The following ABHD17C variants were observed in gnomAD, a reference collection of about 807,000 sequenced individuals.
The protein encoded by ABHD17C is abhydrolase domain containing 17C, depalmitoylase, also known as alpha/beta hydrolase domain-containing protein 17C.
A neutral mutation model predicts 27.9 loss-of-function variants in ABHD17C; 11 were observed. That is an observed-to-expected ratio of 0.39 (90% CI 0.25 to 0.65). ABHD17C has a LOEUF of 0.65. Among genes scored for constraint, ABHD17C ranks in the 30% least tolerant of loss-of-function variants. ABHD17C has a pLI of 0.45. For missense variants in ABHD17C, 280 were observed against 470.2 expected (o/e 0.60, Z 3.74); for synonymous variants, 233 against 209.1 (o/e 1.11, Z -0.98).
chr15:80,740,814 C>T (rs1895199047), intron 1 of ABHD17C, among the ~76,000 whole-genome samples: 2 of 152,206 alleles, frequency 1.3e-5, no homozygotes, highest in Admixed American at 1.3e-4. Context: ...TATGATGACA[C>T]TCTACCTTGA....
At chr15:80,717,545 C>T (rs1346318781) in intron 1 of ABHD17C, among the ~76,000 whole-genome samples, 2 of 152,034 alleles carry the variant, frequency 1.3e-5, no homozygotes, top group African/African-American at 4.8e-5. Context: ...AGATGTGCAC[C>T]ACCATGCCTG....
intron 1 of ABHD17C, among the ~76,000 whole-genome samples, chr15:80,731,268 A>G (rs982088483): frequency 4.6e-5 from 7 of 152,240 alleles, no homozygotes; most frequent in African/African-American, 1.7e-4. Flanking sequence ...AATGAAAGGT[A>G]CTGCTAAAAG....
At chr15:80,747,046 G>A (rs373663196) in intron 1 of ABHD17C, among the ~76,000 whole-genome samples, 9 of 151,984 alleles carry the variant, frequency 5.9e-5, no homozygotes, top group African/African-American at 4.8e-5. Flanking sequence ...TCTTCTGTGC[G>A]TCATTCATTA....
chr15:80,702,490 C>T (rs549393591), intron 1 of ABHD17C, among the ~76,000 whole-genome samples: 1 of 152,282 alleles, frequency 6.6e-6, no homozygotes, highest in African/African-American at 2.4e-5. Context: ...GTGTAGAAAG[C>T]ATTTTTTTCC....
intron 1 of ABHD17C, among the ~76,000 whole-genome samples, chr15:80,726,193 G>A (rs1894972317): frequency 6.6e-6 from 1 of 152,228 alleles, no homozygotes; most frequent in Non-Finnish European, 1.5e-5. Flanking sequence ...GCTTAAGAAT[G>A]CCTTCAAGCG....
intron 1 of ABHD17C, among the ~76,000 whole-genome samples, chr15:80,714,604 C>T (rs1048013301): frequency 2.0e-5 from 3 of 152,160 alleles, no homozygotes; most frequent in African/African-American, 4.8e-5. Flanking sequence ...TCAAGACGTA[C>T]GCTAGGGGTG....
intron 1 of ABHD17C, among the ~76,000 whole-genome samples, chr15:80,715,192 T>C (rs1385188649): frequency 2.0e-5 from 3 of 152,250 alleles, no homozygotes; most frequent in Non-Finnish European, 2.9e-5. Context: ...CTCCTGAGTC[T>C]TTGGAAATCA....
chr15:80,731,123 C>G (rs1895052010), intron 1 of ABHD17C, among the ~76,000 whole-genome samples: 1 of 152,194 alleles, frequency 6.6e-6, no homozygotes, highest in African/African-American at 2.4e-5. Context: ...GGGACCAGAT[C>G]TGGCACGCAG....
intron 1 of ABHD17C, among the ~76,000 whole-genome samples, chr15:80,697,521 A>T (rs912750231): frequency 5.3e-5 from 8 of 152,228 alleles, no homozygotes; most frequent in African/African-American, 1.7e-4. Flanking sequence ...CTGTGTGTGC[A>T]TGTCCACATT....
At chr15:80,724,111 G>C (rs1894938846) in intron 1 of ABHD17C, among the ~76,000 whole-genome samples, 1 of 152,066 alleles carries the variant, frequency 6.6e-6, no homozygotes. Context: ...GCTGAGGTGG[G>C]AGGGTTGCTT....
intron 1 of ABHD17C, among the ~76,000 whole-genome samples, chr15:80,739,106 T>G (rs1474536328): frequency 6.6e-6 from 1 of 152,192 alleles, no homozygotes; most frequent in Non-Finnish European, 1.5e-5. Context: ...AATGTGGTAT[T>G]AAGGGAACCA....
intron 1 of ABHD17C, among the ~76,000 whole-genome samples, chr15:80,720,939 T>C (rs984622386): frequency 2.0e-5 from 3 of 151,646 alleles, no homozygotes; most frequent in Non-Finnish European, 2.9e-5. Context: ...AAAAAAAATA[T>C]TAATTTATGT....
intron 1 of ABHD17C, among the ~76,000 whole-genome samples, chr15:80,719,187 ATCCC>A (rs1894853158): frequency 6.6e-6 from 1 of 152,242 alleles, no homozygotes; most frequent in Admixed American, 6.5e-5. Context: ...AGCAAGAGCC[ATCCC>A]TCTTCCTCTT....
At chr15:80,725,421 G>A (rs1421673602) in intron 1 of ABHD17C, among the ~76,000 whole-genome samples, 1 of 152,164 alleles carries the variant, frequency 6.6e-6, no homozygotes, top group Admixed American at 6.5e-5. Context: ...TGGTTTAGTA[G>A]TATTATAGCT....
intron 1 of ABHD17C, among the ~76,000 whole-genome samples, chr15:80,730,186 C>A (rs1394554074): frequency 6.6e-6 from 1 of 152,192 alleles, no homozygotes. Flanking sequence ...AGATAAGCCT[C>A]ACCAGAGAAA....
At chr15:80,719,601 T>C (rs1326082600) in intron 1 of ABHD17C, among the ~76,000 whole-genome samples, 2 of 152,240 alleles carry the variant, frequency 1.3e-5, no homozygotes, top group Admixed American at 1.3e-4. Context: ...ATATGTGTTA[T>C]GCTAGAGTAA....
At chr15:80,703,027 C>A (rs1027360984) in intron 1 of ABHD17C, 1 of 152,200 alleles carries the variant, frequency 6.6e-6, no homozygotes, top group African/African-American at 2.4e-5. Flanking sequence ...AAAGAGGTTT[C>A]TTTCCCAATT....
chr15:80,716,103 A>C (rs2141499279), intron 1 of ABHD17C, among the ~76,000 whole-genome samples: 1 of 152,322 alleles, frequency 6.6e-6, no homozygotes, highest in East Asian at 1.9e-4. Context: ...GGGAGTCAAA[A>C]TCTTTAAAAG....
intron 1 of ABHD17C, among the ~76,000 whole-genome samples, chr15:80,719,993 T>G (rs2141502054): frequency 6.6e-6 from 1 of 152,194 alleles, no homozygotes; most frequent in South Asian, 2.1e-4. Flanking sequence ...TGAGGTGGGG[T>G]TTTGCCATGT....
Sources: allele counts gnomAD v4.1 joint callset (sites outside exome capture counted in the v4.1 genomes callset), GRCh38; gene constraint gnomAD v4.1.1; transcripts MANE v1.5; gene names NCBI Gene and HGNC (gene_info 2026-07-23, HGNC 2026-07-21).